The following SYT9 variants were observed in gnomAD, a reference collection of about 807,000 sequenced individuals.
SYT9 encodes synaptotagmin 9.
SYT9 carries 22 observed loss-of-function variants against 48.4 expected under a neutral mutation model. The ratio of observed to expected loss-of-function variants is 0.45; its 90% CI spans 0.32 to 0.65. The LOEUF is 0.65. Ranked by LOEUF, SYT9 falls within the 30% of genes least tolerant of loss-of-function variation. The pLI is 0.03. For synonymous variants in SYT9, 265 were observed against 245.0 expected, an observed-to-expected ratio of 1.08 and a Z score of -0.76; for missense variants, 577 against 622.0, an observed-to-expected ratio of 0.93 and a Z score of 0.77.
chr11:7,387,042 G>A (rs539658197), intron 3 of SYT9, among the ~76,000 whole-genome samples: 20 of 152,104 alleles, frequency 1.3e-4, no homozygotes, highest in South Asian at 2.1e-4. Flanking sequence ...GCAAACTATC[G>A]CAAGGACAAA....
At chr11:7,393,533 G>A (rs986679861) in intron 3 of SYT9, among the ~76,000 whole-genome samples, 14 of 151,904 alleles carry the variant, frequency 9.2e-5, no homozygotes, top group African/African-American at 3.4e-4. Flanking sequence ...TTTGTTCTAT[G>A]TTCATTAGGG....
intron 3 of SYT9, among the ~76,000 whole-genome samples, chr11:7,365,697 C>A (rs1564878047): frequency 6.6e-6 from 1 of 152,218 alleles, no homozygotes; most frequent in Non-Finnish European, 1.5e-5. Context: ...TCATTACTTT[C>A]TCTTTACTGG....
chr11:7,406,399 A>G (rs907791420), intron 3 of SYT9, among the ~76,000 whole-genome samples: 1 of 152,078 alleles, frequency 6.6e-6, no homozygotes, highest in African/African-American at 2.4e-5. Flanking sequence ...TTTAGCTCCC[A>G]CATATGAGTG....
At chr11:7,254,958 A>G (rs780414159) in intron 1 of SYT9, among the ~76,000 whole-genome samples, 10 of 152,066 alleles carry the variant, frequency 6.6e-5, no homozygotes, top group Non-Finnish European at 1.5e-4. Context: ...GGAGTACCGC[A>G]CCCAGATTTC....
intron 3 of SYT9, among the ~76,000 whole-genome samples, chr11:7,374,969 G>A (rs59867186): frequency 0.03 from 4,600 of 152,108 alleles, 241 homozygotes; most frequent in African/African-American, 0.1. Flanking sequence ...CATTGCTTTC[G>A]GTGTTTTAGT....
At chr11:7,329,662 T>G (rs564579840) in intron 3 of SYT9, among the ~76,000 whole-genome samples, 16 of 152,298 alleles carry the variant, frequency 1.1e-4, no homozygotes, top group African/African-American at 3.4e-4. Context: ...AAAACCATCC[T>G]CACACTCAAG....
intron 3 of SYT9, among the ~76,000 whole-genome samples, chr11:7,384,531 A>AAAATGT (rs138575465): frequency 0.01 from 1,585 of 152,262 alleles, 27 homozygotes; most frequent in African/African-American, 0.037. Context: ...CTTTATCTTC[A>AAAATGT]AAATGTGATG....
intron 1 of SYT9, among the ~76,000 whole-genome samples, chr11:7,278,165 C>A (rs1029570549): frequency 4.6e-5 from 7 of 152,152 alleles, no homozygotes; most frequent in African/African-American, 1.2e-4. Flanking sequence ...TATCACAGGG[C>A]AAGGGGGCTG....
chr11:7,372,877 C>T (rs72856445), intron 3 of SYT9, among the ~76,000 whole-genome samples: 14,665 of 152,058 alleles, frequency 0.096, 843 homozygotes, highest in African/African-American at 0.16. Flanking sequence ...ATTGTGGTGA[C>T]AGCCGATACT....
intron 3 of SYT9, among the ~76,000 whole-genome samples, chr11:7,399,952 T>G (rs1846854103): frequency 6.6e-6 from 1 of 150,978 alleles, no homozygotes; most frequent in African/African-American, 2.4e-5. Flanking sequence ...CTGGACTGGA[T>G]GATGACTGCA....
intron 3 of SYT9, among the ~76,000 whole-genome samples, chr11:7,403,745 A>G (rs1394840752): frequency 7.6e-6 from 1 of 131,668 alleles, no homozygotes; most frequent in African/African-American, 3.0e-5. Context: ...TCTGTCCTGT[A>G]TAGTGTTCTT....
intron 6 of SYT9, among the ~76,000 whole-genome samples, chr11:7,421,189 T>C (rs1203914979): frequency 6.6e-6 from 1 of 152,236 alleles, no homozygotes; most frequent in Non-Finnish European, 1.5e-5. Flanking sequence ...TGGAGTATCT[T>C]AGCAGCTCCA....
intron 2 of SYT9, among the ~76,000 whole-genome samples, chr11:7,310,520 C>G (rs1349471206): frequency 1.3e-5 from 2 of 149,712 alleles, no homozygotes; most frequent in African/African-American, 5.0e-5. Flanking sequence ...AATCTCTACT[C>G]ACTGCAAGCT....
At chr11:7,452,546 A>C (rs904978878) in intron 6 of SYT9, among the ~76,000 whole-genome samples, 2 of 152,200 alleles carry the variant, frequency 1.3e-5, no homozygotes, top group African/African-American at 4.8e-5. Context: ...GGGTTTCCAC[A>C]TGTTGCTCCT....
intron 5 of SYT9, among the ~76,000 whole-genome samples, chr11:7,419,963 T>G (rs11041370): frequency 0.28 from 43,252 of 152,162 alleles, 6,611 homozygotes; most frequent in Non-Finnish European, 0.33. Flanking sequence ...GGAAACTAAC[T>G]GGGCCAAAGA....
chr11:7,293,496 GA>G (rs1376186812), intron 1 of SYT9, among the ~76,000 whole-genome samples: 2 of 152,184 alleles, frequency 1.3e-5, no homozygotes, highest in African/African-American at 4.8e-5. Flanking sequence ...CTGCAAGAAT[GA>G]AAAGCAGGAA....
At chr11:7,365,793 A>G (rs917088512) in intron 3 of SYT9, among the ~76,000 whole-genome samples, 4 of 152,188 alleles carry the variant, frequency 2.6e-5, no homozygotes, top group Non-Finnish European at 5.9e-5. Flanking sequence ...ATGACTTAAA[A>G]TTGTGAAATA....
intron 2 of SYT9, among the ~76,000 whole-genome samples, chr11:7,305,790 G>T (rs1283663391): frequency 6.6e-6 from 1 of 152,078 alleles, no homozygotes; most frequent in Admixed American, 6.6e-5. Context: ...ACAGTCTCAG[G>T]GTTCCCAGTG....
At chr11:7,278,648 T>C (rs1161569868) in intron 1 of SYT9, among the ~76,000 whole-genome samples, 1 of 152,238 alleles carries the variant, frequency 6.6e-6, no homozygotes, top group Non-Finnish European at 1.5e-5. Flanking sequence ...ACTGTTGTTG[T>C]GTTCTATAAT....
Sources: gnomAD v4.1 joint callset for allele counts (sites outside exome capture counted in the v4.1 genomes callset) on GRCh38, gnomAD v4.1.1 for gene constraint, MANE v1.5 for transcripts, NCBI Gene and HGNC (gene_info 2026-07-23, HGNC 2026-07-21) for gene names.